CPED1: variants seen among roughly 807,000 people sequenced by gnomAD.
The protein encoded by CPED1 is cadherin-like and PC-esterase domain-containing protein 1.
In CPED1, 114 loss-of-function variants were observed where a neutral mutation model predicts 128.2. That is an observed-to-expected ratio of 0.89 (90% CI 0.76 to 1.04). The LOEUF (loss-of-function observed/expected upper bound fraction) is 1.04, where lower values mean the gene tolerates loss of function less well. CPED1 is among the 50% of genes least tolerant of loss of function. The pLI, the probability that CPED1 is intolerant of heterozygous loss-of-function variation, is 0.00. For synonymous variants in CPED1, 462 were observed against 426.7 expected (o/e 1.08, Z -1.02); for missense variants, 1,211 against 1,207.1 (o/e 1.00, Z -0.05).
At chr7:121,188,959 T>G (rs1230976798) in intron 16 of CPED1, among the ~76,000 whole-genome samples, 1 of 152,084 alleles carries the variant, frequency 6.6e-6, no homozygotes, top group Non-Finnish European at 1.5e-5. Flanking sequence ...TAAAGAAAAT[T>G]GAGGCAAAGC....
At chr7:121,233,599 A>G (rs936024413) in intron 16 of CPED1, among the ~76,000 whole-genome samples, 3 of 152,110 alleles carry the variant, frequency 2.0e-5, no homozygotes, top group Non-Finnish European at 2.9e-5. Flanking sequence ...GATGTATTCA[A>G]TATGCCTAAA....
At chr7:121,048,838 C>T (rs1022264039) in intron 4 of CPED1, among the ~76,000 whole-genome samples, 1 of 152,194 alleles carries the variant, frequency 6.6e-6, no homozygotes, top group Non-Finnish European at 1.5e-5. Flanking sequence ...CATGCCAGGC[C>T]TATCTCTAAA....
intron 16 of CPED1, among the ~76,000 whole-genome samples, chr7:121,189,410 A>G (rs905573814): frequency 6.6e-6 from 1 of 152,066 alleles, no homozygotes; most frequent in African/African-American, 2.4e-5. Context: ...TCACATGGCA[A>G]CAGGAGAGAG....
intron 5 of CPED1, among the ~76,000 whole-genome samples, chr7:121,091,848 G>A (rs1794578343): frequency 1.3e-5 from 2 of 152,088 alleles, no homozygotes; most frequent in South Asian, 2.1e-4. Flanking sequence ...AATATTATTT[G>A]TAAAATATTT....
chr7:121,292,061 G>T (rs919741955), intron 22 of CPED1, among the ~76,000 whole-genome samples: 1 of 152,012 alleles, frequency 6.6e-6, no homozygotes, highest in Non-Finnish European at 1.5e-5. Context: ...GGCCTGCCTT[G>T]CTAGGTTGGG....
At chr7:121,021,478 T>G (rs984623836) in intron 3 of CPED1, among the ~76,000 whole-genome samples, 1 of 151,988 alleles carries the variant, frequency 6.6e-6, no homozygotes, top group Non-Finnish European at 1.5e-5. Context: ...ACCTTTGTAA[T>G]GGAAAACATA....
chr7:121,238,697 GATC>G lies in CPED1; in HGVS notation c.2173+1869_2173+1871del, dbSNP rs545635506. On this transcript the variant is annotated intron_variant, in intron 17 of 22. Transcript: ENST00000310396. ...ATATATATGCATTTATATTTTACCT[GATC>G]ATTTTTCTTTTTATGTTTTATAATT... Among the ~76,000 whole-genome samples, 271 of 150,858 alleles carry G rather than the reference GATC, an allele frequency of 1.8e-3. 1 individual carries two copies. Among genetic ancestry groups the G allele is most frequent in the African/African-American group, 6.4e-3 (262 of 41,232 alleles).
At position 121,295,786 on chromosome 7, in the gene CPED1, C is replaced by T. The variant is rs923189941; in HGVS notation, c.*134C>T. 3.8e-5 allele frequency: 24 copies of T among 634,260 alleles called. No homozygotes were observed. The highest frequency in any genetic ancestry group is 5.9e-5 in the Non-Finnish European group (21 of 356,430). 39.3% of individuals were successfully genotyped at this position (634,260 alleles called of 1,614,324 possible). On this transcript the variant is annotated 3_prime_UTR_variant, in exon 23 of 23. Coordinates refer to ENST00000310396, the MANE Select transcript of CPED1 (RefSeq NM_024913.5). ...ACTTGTGCACACCAGCACATGCATG[C>T]ACACCAGTACACACACAGTTAAATA...
At chr7:121,162,467 A>G (rs980486742) in intron 16 of CPED1, among the ~76,000 whole-genome samples, 2 of 152,208 alleles carry the variant, frequency 1.3e-5, no homozygotes, top group African/African-American at 4.8e-5. Context: ...ATATAATCCA[A>G]TGCACTCATA....
chr7:121,060,944 C>A (rs187348616), intron 4 of CPED1, among the ~76,000 whole-genome samples: 1,931 of 151,692 alleles, frequency 0.013, 24 homozygotes, highest in Middle Eastern at 0.024. Context: ...CCACGAGCCC[C>A]CCGGGAGGAA....
At chr7:121,283,924 G>C (rs1792511598) in intron 22 of CPED1, among the ~76,000 whole-genome samples, 1 of 152,144 alleles carries the variant, frequency 6.6e-6, no homozygotes, top group African/African-American at 2.4e-5. Context: ...ATACTGTTTA[G>C]TGAAACACTT....
chr7:121,000,415 G>A (rs1409584316), intron 2 of CPED1, among the ~76,000 whole-genome samples: 1 of 152,094 alleles, frequency 6.6e-6, no homozygotes, highest in Non-Finnish European at 1.5e-5. Context: ...CATGTATAAG[G>A]ATCTTAAAAA....
At chr7:121,103,128 G>A (rs6954757) in intron 7 of CPED1, among the ~76,000 whole-genome samples, 43,714 of 151,880 alleles carry the variant, frequency 0.29, 6,718 homozygotes, top group Middle Eastern at 0.38. Context: ...TTGTGATCTG[G>A]TTTTCTTTAG....
chr7:121,201,973 G>C (rs578204914), intron 16 of CPED1, among the ~76,000 whole-genome samples: 1 of 152,112 alleles, frequency 6.6e-6, no homozygotes, highest in Admixed American at 6.5e-5. Context: ...GTTGGGTATA[G>C]CATAGCAAAA....
At chr7:121,268,042 C>T (rs1290431900) in intron 21 of CPED1, among the ~76,000 whole-genome samples, 1 of 151,912 alleles carries the variant, frequency 6.6e-6, no homozygotes, top group African/African-American at 2.4e-5. Context: ...AGGAAGTGGC[C>T]AAGTTACATC....
At chr7:121,256,129 C>CAAAAAAAAAAAAAAAAAAAAAAAAAAAAA (rs201393067) in intron 18 of CPED1, among the ~76,000 whole-genome samples, 1 of 101,262 alleles carries the variant, frequency 9.9e-6, no homozygotes, top group African/African-American at 4.4e-5. Context: ...AAAAACAAAA[C>CAAAAAAAAAAAAAAAAAAAAAAAAAAAAA]AAAAAAAAAA....
In CPED1 at chr7:121,149,954, C is replaced by T. The variant is rs186657056; in HGVS notation, c.2055+7813C>T. Among the ~76,000 whole-genome samples the T allele has an allele frequency of 1.6e-4, 24 of 152,202 alleles. 1 individual carries two copies. In the East Asian group the frequency reaches 3.5e-3, roughly 22 times the overall value. On this transcript the variant is annotated intron_variant, in intron 16 of 22. Transcript: ENST00000310396. ...TATCTATCTTTCTTCACTTCCTTCC[C>T]CATTTCTCAAGCCAAACTAACTCAA...
chr7:121,271,676 G>C (rs798910), intron 22 of CPED1, among the ~76,000 whole-genome samples: 90,902 of 151,948 alleles, frequency 0.6, 30,187 homozygotes, highest in African/African-American at 0.9. Context: ...TTGGTCAATG[G>C]AGGCAGGAAT....
At chr7:121,206,197 G>T (rs940874826) in intron 16 of CPED1, among the ~76,000 whole-genome samples, 1 of 152,024 alleles carries the variant, frequency 6.6e-6, no homozygotes, top group Non-Finnish European at 1.5e-5. Flanking sequence ...TCCTTGAGAT[G>T]CTAATGAAGA....
Sources: gnomAD v4.1 joint callset for allele counts (sites outside exome capture counted in the v4.1 genomes callset) on GRCh38, gnomAD v4.1.1 for gene constraint, MANE v1.5 for transcripts, NCBI Gene and HGNC (gene_info 2026-07-23, HGNC 2026-07-21) for gene names.